The following DGKB variants were observed in gnomAD, a reference collection of about 807,000 sequenced individuals.
DGKB encodes 90 kDa diacylglycerol kinase.
In DGKB, 67 loss-of-function variants were observed where a neutral mutation model predicts 114.3. That is an observed-to-expected ratio of 0.59 (90% confidence interval 0.48 to 0.72). The LOEUF is 0.72. Ranked by LOEUF, DGKB falls within the 30% of genes least tolerant of loss-of-function variation. The pLI is 0.00. For missense variants in DGKB, 907 were observed against 975.2 expected, an observed-to-expected ratio of 0.93 and a Z score of 0.93; for synonymous variants, 398 against 323.1, an observed-to-expected ratio of 1.23 and a Z score of -2.49.
intron 1 of DGKB, among the ~76,000 whole-genome samples, chr7:14,883,098 G>A (rs1452565996): frequency 6.6e-6 from 1 of 151,960 alleles, no homozygotes; most frequent in South Asian, 2.1e-4. Flanking sequence ...CAGAAAAAAT[G>A]TAGCATTATT....
At chr7:14,440,901 T>A (rs1829999127) in intron 21 of DGKB, among the ~76,000 whole-genome samples, 1 of 147,556 alleles carries the variant, frequency 6.8e-6, no homozygotes, top group African/African-American at 2.5e-5. Context: ...TAAGATACCA[T>A]TTTTAGTATT....
intron 20 of DGKB, among the ~76,000 whole-genome samples, chr7:14,514,570 A>C (rs564286445): frequency 6.6e-6 from 1 of 152,228 alleles, no homozygotes; most frequent in Non-Finnish European, 1.5e-5. Flanking sequence ...ACTTAATTAT[A>C]AAACCAGCAT....
At chr7:14,741,167 C>G (rs1832533898) in intron 4 of DGKB, among the ~76,000 whole-genome samples, 1 of 152,176 alleles carries the variant, frequency 6.6e-6, no homozygotes, top group African/African-American at 2.4e-5. Flanking sequence ...AAGTTTATTT[C>G]TCAACCCTTA....
chr7:14,170,161 G>GAAAGAAAT lies in DGKB; in HGVS notation c.2304+6677_2304+6678insATTTCTTT, dbSNP rs1562523554. Among the ~76,000 whole-genome samples, 3 of 81,334 alleles carry GAAAGAAAT rather than the reference G, an allele frequency of 3.7e-5. 1 individual carries two copies. The South Asian group carries it at 1.0e-3, about 27-fold the overall frequency. 53.4% of individuals were successfully genotyped at this position (81,334 alleles called of 152,430 possible). The stretch of plus-strand genomic sequence containing the variant: ...AAAAAAAAAAAAAGAAAGAAAGAAA[G>GAAAGAAAT]AAAGAAAGAAAGAAAGAAAGAAAGA... On this transcript the variant is annotated intron_variant, in intron 25 of 25. Coordinates refer to ENST00000402815, the MANE Select transcript of DGKB (RefSeq NM_001350709.2).
chr7:14,546,355 G>C (rs1794279983), intron 20 of DGKB, among the ~76,000 whole-genome samples: 2 of 151,966 alleles, frequency 1.3e-5, no homozygotes, highest in South Asian at 4.2e-4. Flanking sequence ...ATTCCCTGTG[G>C]CTCAAGTAGA....
At chr7:14,773,832 A>G (rs1043630877) in intron 2 of DGKB, among the ~76,000 whole-genome samples, 1 of 152,160 alleles carries the variant, frequency 6.6e-6, no homozygotes, top group African/African-American at 2.4e-5. Context: ...AAATTCTTTT[A>G]CATTACATCC....
chr7:14,227,874 C>G lies in DGKB; in HGVS notation c.2123-49723G>C, dbSNP rs572868094. Reference sequence around the variant, plus strand: ...TTGCATATAAGATCATATCTATGTTCAGAATTCTGAATGACTATGTATGCC... The same window carrying G: ...TTGCATATAAGATCATATCTATGTTGAGAATTCTGAATGACTATGTATGCC... On this transcript the variant is annotated intron_variant, in intron 23 of 25. Transcript: ENST00000402815. 3.3e-5 allele frequency among the ~76,000 whole-genome samples: 5 copies of G among 152,082 alleles called. No individual in the cohort carries two copies. In the East Asian group the frequency reaches 9.7e-4, roughly 30 times the overall value.
At chr7:14,324,220 C>T (rs1038581965) in intron 23 of DGKB, among the ~76,000 whole-genome samples, 3 of 151,718 alleles carry the variant, frequency 2.0e-5, no homozygotes, top group Admixed American at 6.6e-5. Flanking sequence ...AGGTCAAGGC[C>T]GACAGATCAC....
chr7:14,246,533 A>G (rs1794505866), intron 23 of DGKB, among the ~76,000 whole-genome samples: 4 of 152,270 alleles, frequency 2.6e-5, no homozygotes, highest in South Asian at 4.1e-4. Flanking sequence ...ATGATTTGCT[A>G]TAAACTAAGT....
chr7:14,894,977 G>A (rs982230878), intron 1 of DGKB, among the ~76,000 whole-genome samples: 1 of 151,490 alleles, frequency 6.6e-6, no homozygotes, highest in Non-Finnish European at 1.5e-5. Flanking sequence ...ACCCCTCCTA[G>A]TGATCAGAAT....
intron 21 of DGKB, among the ~76,000 whole-genome samples, chr7:14,388,551 T>G (rs1820806541): frequency 6.6e-6 from 1 of 151,360 alleles, no homozygotes; most frequent in Non-Finnish European, 1.5e-5. Flanking sequence ...CACTTAAAAT[T>G]TTATGTATTG....
At chr7:14,355,307 A>C (rs1814235358) in intron 21 of DGKB, among the ~76,000 whole-genome samples, 1 of 152,150 alleles carries the variant, frequency 6.6e-6, no homozygotes, top group South Asian at 2.1e-4. Context: ...AGAACTTCCA[A>C]CACTATGTTG....
At chr7:14,178,891 T>G (rs1782222574) in intron 23 of DGKB, among the ~76,000 whole-genome samples, 1 of 152,146 alleles carries the variant, frequency 6.6e-6, no homozygotes, top group African/African-American at 2.4e-5. Flanking sequence ...CTAGGACTAA[T>G]TACTTTATAT....
chr7:14,490,615 C>T (rs187139189), intron 20 of DGKB, among the ~76,000 whole-genome samples: 2 of 152,212 alleles, frequency 1.3e-5, no homozygotes. Context: ...GAGTCCAGTC[C>T]TTTAAAACAA....
chr7:14,232,094 C>T (rs183758847), intron 23 of DGKB, among the ~76,000 whole-genome samples: 5 of 152,028 alleles, frequency 3.3e-5, no homozygotes, highest in African/African-American at 1.2e-4. Flanking sequence ...CTCTCATATC[C>T]TTTTGCCTCC....
chr7:14,613,547 A>ATG (rs1805962013), intron 15 of DGKB, 134 bp from the exon 16 acceptor site: 1 of 595,986 alleles, frequency 1.7e-6, no homozygotes, highest in Non-Finnish European at 3.0e-6. Flanking sequence ...GTGTGTGTGC[A>ATG]TGTGTGTGTG....
At chr7:14,533,293 A>G (rs1343578486) in intron 20 of DGKB, among the ~76,000 whole-genome samples, 1 of 151,836 alleles carries the variant, frequency 6.6e-6, no homozygotes, top group East Asian at 1.9e-4. Flanking sequence ...AGTAGATTCA[A>G]TTAATCAGGT....
At chr7:14,892,328 C>T (rs1351508361) in intron 1 of DGKB, among the ~76,000 whole-genome samples, 1 of 151,154 alleles carries the variant, frequency 6.6e-6, no homozygotes, top group African/African-American at 2.4e-5. Context: ...GGATAATTGA[C>T]TTACCTTACC....
chr7:14,712,201 A>G (rs1018289357), intron 6 of DGKB, among the ~76,000 whole-genome samples: 2 of 152,182 alleles, frequency 1.3e-5, no homozygotes, highest in Admixed American at 6.6e-5. Flanking sequence ...AGTGAAAAAC[A>G]TAAGAAGAAA....
Sources: gnomAD v4.1 joint callset for allele counts (sites outside exome capture counted in the v4.1 genomes callset) on GRCh38, gnomAD v4.1.1 for gene constraint, MANE v1.5 for transcripts, NCBI Gene and HGNC (gene_info 2026-07-23, HGNC 2026-07-21) for gene names.